Variants in MYH16 observed in about 807,000 individuals in gnomAD.
MYH16 encodes the protein myosin heavy chain 16.
At chr7:99,248,403 T>G (rs1012338652) in intron 3 of MYH16, among the ~76,000 whole-genome samples, 1 of 151,904 alleles carries the variant, frequency 6.6e-6, no homozygotes, top group Non-Finnish European at 1.5e-5. Context: ...CGCCCAGTCA[T>G]GATTTTTTTT....
At chr7:99,288,022 C>T (rs61747205) in exon 29 of MYH16, 20,238 of 456,626 alleles carry the variant, frequency 0.044, 2,101 homozygotes, top group African/African-American at 0.28. Flanking sequence ...GCCGAGCTGA[C>T]GGAGCATGTG....
intron 30 of MYH16, 40 bp downstream of exon 11, chr7:99,289,444 A>C (rs529175241): frequency 2.8e-5 from 9 of 321,338 alleles, no homozygotes; most frequent in South Asian, 2.0e-4. Context: ...GGAGCAGTGC[A>C]TGGAAAGGAA....
intron 30 of MYH16, chr7:99,291,005 A>G (rs1792365463): frequency 1.2e-5 from 2 of 160,006 alleles, no homozygotes; most frequent in Non-Finnish European, 2.7e-5. Flanking sequence ...CATTTTACAA[A>G]GGAAATACTG....
chr7:99,266,521 C>T (rs1048599665), intron 17 of MYH16, among the ~76,000 whole-genome samples: 1 of 152,142 alleles, frequency 6.6e-6, no homozygotes, highest in African/African-American at 2.4e-5. Context: ...GGGGGCTGCT[C>T]CCAGGTCATG....
intron 14 of MYH16, chr7:99,263,600 T>C (rs1456781053): frequency 6.6e-6 from 1 of 152,136 alleles, no homozygotes; most frequent in Non-Finnish European, 1.5e-5. Context: ...GATGGATGAA[T>C]GAATGAATGA....
chr7:99,288,078 G>A (rs992834768), exon 29 of MYH16: 1 of 456,730 alleles, frequency 2.2e-6, no homozygotes, highest in Admixed American at 2.3e-5. Flanking sequence ...AGATAAACAG[G>A]TCATGAAGGC....
exon 18 of MYH16, chr7:99,266,948 A>T (rs1186013620): frequency 1.3e-5 from 2 of 152,634 alleles, no homozygotes; most frequent in African/African-American, 4.8e-5. Flanking sequence ...CCTAGATGTG[A>T]ATGAATACAA....
chr7:99,299,427 A>T (rs1412517353), intron 36 of MYH16, 39 bp from the exon 18 acceptor site: 2 of 152,570 alleles, frequency 1.3e-5, no homozygotes, highest in Non-Finnish European at 2.9e-5. Context: ...CTGAACAGCC[A>T]GCCCAGTATG....
intron 11 of MYH16, chr7:99,258,448 C>G (rs1791898628): frequency 6.5e-6 from 1 of 152,984 alleles, no homozygotes; most frequent in African/African-American, 2.4e-5. Context: ...CTTATATAAG[C>G]TACTTTTTTG....
At chr7:99,251,605 T>C (rs5025499) in intron 6 of MYH16, among the ~76,000 whole-genome samples, 5 of 152,180 alleles carry the variant, frequency 3.3e-5, no homozygotes, top group Admixed American at 2.6e-4. Flanking sequence ...TGTTTCCCCC[T>C]CAGAAATTGG....
chr7:99,302,315 T>A (rs1179421104), intron 38 of MYH16, among the ~76,000 whole-genome samples: 954 of 77,722 alleles, frequency 0.012, 64 homozygotes, highest in African/African-American at 0.034. Flanking sequence ...AAAAAAAATA[T>A]ATACACACAC....
intron 1 of MYH16, among the ~76,000 whole-genome samples, chr7:99,242,996 G>C (rs1304836768): frequency 6.6e-6 from 1 of 152,184 alleles, no homozygotes; most frequent in Non-Finnish European, 1.5e-5. Flanking sequence ...TAGTTTTTAA[G>C]GTATTTTTAC....
exon 19 of MYH16, chr7:99,271,060 T>C (rs979329312): frequency 2.0e-5 from 3 of 152,580 alleles, no homozygotes; most frequent in Non-Finnish European, 4.4e-5. Flanking sequence ...GGCTTCCTCA[T>C]GAGGGTGGAG....
chr7:99,297,000 G>T (rs1051437540), intron 34 of MYH16, 83 bp downstream of exon 15: 2 of 420,740 alleles, frequency 4.8e-6, no homozygotes, highest in Non-Finnish European at 9.7e-6. Context: ...CACATCATCA[G>T]TTGAGTACCT....
intron 1 of MYH16, among the ~76,000 whole-genome samples, chr7:99,242,776 T>C (rs1791680465): frequency 6.6e-6 from 1 of 152,210 alleles, no homozygotes; most frequent in Non-Finnish European, 1.5e-5. Flanking sequence ...TTCTCATTAC[T>C]GCACTTAGTC....
At chr7:99,292,631 G>A (rs868228922) in intron 32 of MYH16, 123 bp downstream of exon 13, 78 of 381,262 alleles carry the variant, frequency 2.0e-4, no homozygotes, top group African/African-American at 1.5e-3. Context: ...TTCACAGGCT[G>A]CTTTAAGAGG....
intron 33 of MYH16, among the ~76,000 whole-genome samples, chr7:99,295,166 C>T (rs1371155740): frequency 6.6e-6 from 1 of 152,016 alleles, no homozygotes; most frequent in African/African-American, 2.4e-5. Context: ...ATTGCCTGAG[C>T]TCAGGAGTTC....
intron 6 of MYH16, among the ~76,000 whole-genome samples, chr7:99,251,945 C>T (rs556694926): frequency 6.6e-6 from 1 of 152,296 alleles, no homozygotes; most frequent in African/African-American, 2.4e-5. Context: ...TGCACTCCAG[C>T]CTGGGCAACA....
intron 6 of MYH16, chr7:99,251,229 C>A: frequency 5.3e-6 from 1 of 189,740 alleles, no homozygotes. Context: ...GCTGGTGGGA[C>A]AGGGGTCACG....
Sources: gnomAD v4.1 joint callset for allele counts (sites outside exome capture counted in the v4.1 genomes callset) on GRCh38, gnomAD v4.1.1 for gene constraint, MANE v1.5 for transcripts, NCBI Gene and HGNC (gene_info 2026-07-23, HGNC 2026-07-21) for gene names.